SLAMF8: variants seen among roughly 807,000 people sequenced by gnomAD.
SLAMF8 encodes the protein SLAM family member 8.
Under a neutral mutation model 29.0 loss-of-function variants are expected in SLAMF8, and 23 were observed. The ratio of observed to expected loss-of-function variants is 0.79; its 90% confidence interval spans 0.57 to 1.13. SLAMF8 has a LOEUF of 1.13. Ranked by LOEUF, SLAMF8 falls within the 50% of genes most tolerant of loss-of-function variation. The pLI, the probability that SLAMF8 is intolerant of heterozygous loss-of-function variation, is 0.00. For synonymous variants in SLAMF8, 139 were observed against 145.6 expected (o/e 0.96, Z 0.32); for missense variants, 381 against 353.1 (o/e 1.08, Z -0.63).
At position 159,833,296 on chromosome 1, in the gene SLAMF8, G is replaced by A. The variant is rs1456049679; in HGVS notation, c.708G>A (p.Leu236=). The change falls in exon 4 of 5, where the codon CTG becomes CTA. Residue 236 remains leucine, a synonymous_variant. Transcript: ENST00000289707. ...PGKASYKDVL[L]VVVPVSLLLM... ...AGGCCTCCTACAAAGATGTGCTGCT[G>A]GTGGTGGTGCCTGTCTCGCTGCTCC... is the stretch of plus-strand genomic sequence containing the variant. 6.2e-7 allele frequency: 1 copy of A among 1,614,040 alleles called. No individual in the cohort carries two copies. Among genetic ancestry groups the A allele is most frequent in the African/African-American group, 1.3e-5 (1 of 74,908 alleles).
In SLAMF8 at chr1:159,835,200, T is replaced by A. The variant is rs748211248; in HGVS notation, c.798T>A (p.Asp266Glu). 3 of 1,614,036 alleles carry A rather than the reference T, an allele frequency of 1.9e-6. No individual in the cohort carries two copies. The South Asian group carries it at 3.3e-5, about 18-fold the overall frequency. Residue 266 changes from aspartate (D) to glutamate (E), a missense_variant, in exon 5 of 5, where the codon GAT (aspartate) becomes GAA (glutamate). Coordinates refer to ENST00000289707, the MANE Select transcript of SLAMF8 (RefSeq NM_020125.3). ...WCPCSGKKKK[D>E]VHADRVGPET... ...CCTTACCAGGGAAAAAGAAAAAGGA[T>A]GTCCATGCTGACAGAGTGGGTCCAG... is the stretch of plus-strand genomic sequence containing the variant.
At chr1:159,832,230 C>A (rs1647534695) in intron 2 of SLAMF8, among the ~76,000 whole-genome samples, 1 of 152,216 alleles carries the variant, frequency 6.6e-6, no homozygotes, top group African/African-American at 2.4e-5. Context: ...CTGGGCCCCT[C>A]CTTCACAGCA....
chr1:159,833,025 G>C lies in SLAMF8; in HGVS notation c.517G>C (p.Gly173Arg). 6.2e-7 allele frequency: 1 copy of C among 1,614,198 alleles called. No individual in the cohort carries two copies. The change falls in exon 3 of 5, where the codon GGT (glycine) becomes CGT (arginine). Residue 173 changes from glycine (G) to arginine (R), a missense_variant. Physicochemically the swap from Gly to Arg is moderately radical, Grantham distance 125 (BLOSUM62 -2). Transcript: ENST00000289707. ...SWRRETTMDFGMEPHSLFTDG... is the reference protein window; with the variant it reads ...SWRRETTMDFRMEPHSLFTDG... ...GCGACGGGAGACAACCATGGACTTT[G>C]GTATGGAACCACACAGCCTCTTCAC...
At chr1:159,827,510 G>A (rs890684897) in intron 1 of SLAMF8, among the ~76,000 whole-genome samples, 7 of 152,146 alleles carry the variant, frequency 4.6e-5, no homozygotes, top group African/African-American at 7.2e-5. Context: ...GCTGATACAC[G>A]GGGTCTCCTC....
At chr1:159,830,221 C>G (rs1420258875) in intron 2 of SLAMF8, 29 bp downstream of exon 2, 1 of 1,535,470 alleles carries the variant, frequency 6.5e-7, no homozygotes, top group Non-Finnish European at 8.8e-7. Flanking sequence ...GGCTGCCTGG[C>G]CCTCTTCCCC....
chr1:159,837,325 C>T lies in SLAMF8; in HGVS notation c.*2065C>T. 5 of 984,068 alleles carry T rather than the reference C, an allele frequency of 5.1e-6. No individual in the cohort carries two copies. The highest frequency in any genetic ancestry group is 6.0e-6 in the Non-Finnish European group (5 of 828,666). 61.0% of individuals were successfully genotyped at this position (984,068 alleles called of 1,614,324 possible). A position where few individuals can be genotyped will look rare whatever the true frequency, so the allele number is the denominator to read the frequency against. On this transcript the variant is annotated 3_prime_UTR_variant, in exon 5 of 5. Coordinates refer to ENST00000289707, the MANE Select transcript of SLAMF8 (RefSeq NM_020125.3). ...GTGCTTCTGTGAGACCAATTTTGTG[C>T]TAATGAGCATTGAGACTGATGCTTT...
At chr1:159,829,571 T>C (rs900641586) in intron 1 of SLAMF8, among the ~76,000 whole-genome samples, 1 of 152,364 alleles carries the variant, frequency 6.6e-6, no homozygotes, top group Admixed American at 6.5e-5. Flanking sequence ...TGAGATCCCC[T>C]GTCACCCTAC....
chr1:159,829,845 C>G, intron 1 of SLAMF8, 21 bp from the exon 2 acceptor site: 2 of 1,579,396 alleles, frequency 1.3e-6, no homozygotes, highest in Non-Finnish European at 1.7e-6. Flanking sequence ...GGCAGAGTGA[C>G]CAGGGGCTCT....
chr1:159,828,215 A>C (rs1394205174), intron 1 of SLAMF8, among the ~76,000 whole-genome samples: 3 of 152,226 alleles, frequency 2.0e-5, no homozygotes, highest in Non-Finnish European at 2.9e-5. Flanking sequence ...TTTCAGTGGT[A>C]CTGAAGCCTG....
intron 2 of SLAMF8, among the ~76,000 whole-genome samples, chr1:159,830,676 G>C (rs1034692438): frequency 1.3e-5 from 2 of 151,270 alleles, no homozygotes; most frequent in Non-Finnish European, 3.0e-5. Flanking sequence ...TTAGTCTAAA[G>C]GAAAAAAAAT....
At chr1:159,830,413 C>CT (rs1381636055) in intron 2 of SLAMF8, among the ~76,000 whole-genome samples, 1 of 152,230 alleles carries the variant, frequency 6.6e-6, no homozygotes, top group South Asian at 2.1e-4. Flanking sequence ...TGCCTGAACT[C>CT]TAGCTCAGTC....
At position 159,835,488 on chromosome 1, in the gene SLAMF8, C is replaced by T. The variant is rs1336551864; in HGVS notation, c.*228C>T. The T allele has an allele frequency of 2.3e-6, 3 of 1,311,872 alleles. No homozygotes were observed. The highest frequency in any genetic ancestry group is 6.3e-5 in the East Asian group (2 of 31,962). The allele number at this position is 1,311,872 out of a possible 1,614,324, so 81.3% of individuals were successfully genotyped here. ...TCTCCCATCTTCTCATATCCTGGCT[C>T]TTCTCTGGGCAAGATGAGCCAAGCA... On this transcript the variant is annotated 3_prime_UTR_variant, in exon 5 of 5. Coordinates refer to ENST00000289707, the MANE Select transcript of SLAMF8 (RefSeq NM_020125.3).
In SLAMF8 at chr1:159,835,883, G is replaced by A; in HGVS notation, c.*623G>A. On this transcript the variant is annotated 3_prime_UTR_variant, in exon 5 of 5. Transcript: ENST00000289707. ...TAATCAGAGTTCATGGGCCCTCAAA[G>A]GTAAATTGCAGTTGTAGACACCGAG... 1.0e-6 allele frequency: 1 copy of A among 985,432 alleles called. No individual in the cohort carries two copies. The highest frequency in any genetic ancestry group is 1.2e-6 in the Non-Finnish European group (1 of 829,952). 61.0% of individuals were successfully genotyped at this position (985,432 alleles called of 1,614,324 possible).
chr1:159,829,044 A>G (rs1647271866), intron 1 of SLAMF8, among the ~76,000 whole-genome samples: 1 of 152,062 alleles, frequency 6.6e-6, no homozygotes, highest in Admixed American at 6.5e-5. Context: ...CTAATCTATT[A>G]CCAAATCCTA....
chr1:159,835,293 T>C lies in SLAMF8; in HGVS notation c.*33T>C. Reference sequence around the variant, plus strand: ...TATGAACTGATGCCTGGACTATCAGTAACCCCACTGCACAGGCACACGATG... The same window carrying C: ...TATGAACTGATGCCTGGACTATCAGCAACCCCACTGCACAGGCACACGATG... On this transcript the variant is annotated 3_prime_UTR_variant, in exon 5 of 5. Transcript: ENST00000289707. 2 of 1,607,640 alleles carry C rather than the reference T, an allele frequency of 1.2e-6. No homozygotes were observed. The highest frequency in any genetic ancestry group is 1.7e-6 in the Non-Finnish European group (2 of 1,177,906).
rs371694089 is a variant in SLAMF8, at chr1:159,830,160, C to A, written c.335C>A (p.Pro112His). 2 of 1,610,884 alleles carry A rather than the reference C, an allele frequency of 1.2e-6. No individual in the cohort carries two copies. The highest frequency in any genetic ancestry group is 1.7e-6 in the Non-Finnish European group (2 of 1,177,840). Residue 112 changes from proline to histidine, a missense_variant, in exon 2 of 5, where the codon CCC (proline) becomes CAC (histidine). By Grantham distance (77) the Pro-to-His change is moderately conservative. Coordinates refer to ENST00000289707, the MANE Select transcript of SLAMF8 (RefSeq NM_020125.3). Reference protein sequence around the residue: ...SVLMVDTRGQPWTQTLQLKVY... With the variant: ...SVLMVDTRGQHWTQTLQLKVY... ...TTGATGGTGGACACAAGGGGCCAGC[C>A]CTGGACCCAGACCCTCCAGCTCAAG...
intron 2 of SLAMF8, among the ~76,000 whole-genome samples, chr1:159,832,472 C>T (rs1194355038): frequency 6.6e-6 from 1 of 152,150 alleles, no homozygotes. Flanking sequence ...ACAGTCAAGG[C>T]ATTAAGCAAT....
rs375486601 is a variant in SLAMF8, at chr1:159,826,910, G to A, written c.12G>A (p.Arg4=). MVM[R]PLWSLLLWEA... The stretch of plus-strand genomic sequence containing the variant: ...CTCTCCAGAGAAAGATGGTCATGAG[G>A]CCCCTGTGGAGTCTGCTTCTCTGGG... The change falls in exon 1 of 5, where the codon AGG becomes AGA. Residue 4 remains arginine, a synonymous_variant. Transcript: ENST00000289707. The A allele has an allele frequency of 3.2e-5, 52 of 1,614,016 alleles. No homozygotes were observed. Among genetic ancestry groups the A allele is most frequent in the Non-Finnish European group, 4.2e-5 (49 of 1,180,034 alleles).
Position 159,829,998 on chromosome 1 carries a change from A to C in SLAMF8, c.173A>C (p.Glu58Ala). 3 of 1,614,170 alleles carry C rather than the reference A, an allele frequency of 1.9e-6. No homozygotes were observed. The highest frequency in any genetic ancestry group is 2.5e-6 in the Non-Finnish European group (3 of 1,180,010). The change falls in exon 2 of 5, where the codon GAG becomes GCG. Residue 58 changes from glutamate to alanine, a missense_variant. Glu to Ala is a moderately radical substitution (Grantham distance 107). Transcript: ENST00000289707. ...AIWRSLWPSE[E>A]LLATFFRGSL... ...TGGCGATCTCTCTGGCCTTCAGAAG[A>C]GCTCCTGGCCACGTTTTTCCGAGGC...
Sources: gnomAD v4.1 joint callset for allele counts (sites outside exome capture counted in the v4.1 genomes callset) on GRCh38, gnomAD v4.1.1 for gene constraint, MANE v1.5 for transcripts, NCBI Gene and HGNC (gene_info 2026-07-23, HGNC 2026-07-21) for gene names.